SLC25A3: variants seen among roughly 807,000 people sequenced by gnomAD.
SLC25A3 encodes the protein phosphate transport protein.
SLC25A3 carries 14 observed loss-of-function variants against 37.1 expected under a neutral mutation model. The observed-to-expected ratio is 0.38, with a 90% CI of 0.25 to 0.59. The LOEUF (loss-of-function observed/expected upper bound fraction) is 0.59, where lower values mean the gene tolerates loss of function less well. Among genes scored for constraint, SLC25A3 ranks in the 20% least tolerant of loss-of-function variants. SLC25A3 has a pLI of 0.67. For synonymous variants in SLC25A3, 161 were observed against 168.7 expected, an observed-to-expected ratio of 0.95 and a Z score of 0.36; for missense variants, 385 against 458.1, an observed-to-expected ratio of 0.84 and a Z score of 1.46.
rs750905518 is a variant in SLC25A3 at position 98,593,998 on chromosome 12, A to G, written c.20A>G (p.His7Arg). MFSSVAHLARANPFNTP... is the reference protein window; with the variant it reads MFSSVARLARANPFNTP... ...AGAAAGATGTTCTCGTCCGTGGCGC[A>G]CCTGGCGCGGGCGAACCCCTTCAAC... Residue 7 changes from histidine to arginine, a missense_variant, in exon 2 of 8, where the codon CAC becomes CGC. Physicochemically the swap from His to Arg is conservative, Grantham distance 29. Transcript: ENST00000552981. 9 of 1,613,624 alleles carry G rather than the reference A, an allele frequency of 5.6e-6. No homozygotes were observed. Among genetic ancestry groups the G allele is most frequent in the Middle Eastern group, 1.6e-4 (1 of 6,084 alleles).
At position 98,598,759 on chromosome 12, in the gene SLC25A3, ATTTTTTTTTGTT is replaced by A. The variant is rs568877839; in HGVS notation, c.641+71_641+82del. On this transcript the variant is annotated intron_variant, in intron 5 of 7. Coordinates refer to ENST00000552981, the MANE Select transcript of SLC25A3 (RefSeq NM_002635.4). ...AAAGTACTTATTTTAAGTGAACTTC[ATTTTTTTTTGTT>A]TTTTTTTTTGTTTTGTTTTTTTGAG... The A allele has an allele frequency of 1.0e-3, 1,449 of 1,420,718 alleles. 16 individuals are homozygous for A. The East Asian group carries it at 0.02, about 20-fold the overall frequency. 88.0% of individuals were successfully genotyped at this position (1,420,718 alleles called of 1,614,324 possible).
In SLC25A3 at chr12:98,604,263, A is replaced by AAAAATATATAT. The variant is rs1302964992; in HGVS notation, c.*2736_*2737insAAATATATATA. 1.5e-5 allele frequency: 2 copies of AAAAATATATAT among 134,592 alleles called. No individual in the cohort carries two copies. Among genetic ancestry groups the AAAAATATATAT allele is most frequent in the African/African-American group, 5.7e-5 (2 of 34,844 alleles). 8.3% of individuals were successfully genotyped at this position (134,592 alleles called of 1,614,324 possible). A position where few individuals can be genotyped will look rare whatever the true frequency, so the allele number is the denominator to read the frequency against. ...GCGAAACTCTGTCTCAAAAAAAAAA[A>AAAAATATATAT]ATATATATATATATATATATATATG... On this transcript the variant is annotated 3_prime_UTR_variant, in exon 8 of 8. Coordinates refer to ENST00000552981, the MANE Select transcript of SLC25A3 (RefSeq NM_002635.4).
intron 2 of SLC25A3, 117 bp downstream of exon 2, chr12:98,594,252 G>A: frequency 1.1e-6 from 1 of 887,826 alleles, no homozygotes; most frequent in Non-Finnish European, 1.8e-6. Flanking sequence ...CTGCACCGTA[G>A]GACGGCGCCC....
intron 5 of SLC25A3, among the ~76,000 whole-genome samples, chr12:98,599,436 G>C (rs537205942): frequency 6.6e-6 from 1 of 151,510 alleles, no homozygotes; most frequent in South Asian, 2.1e-4. Flanking sequence ...CCTGTATGTA[G>C]AACATAAACT....
chr12:98,606,094 A>T lies in SLC25A3; in HGVS notation c.*4566A>T, dbSNP rs2097601063. The T allele has an allele frequency of 6.6e-6, 1 of 152,236 alleles. No individual in the cohort carries two copies. The highest frequency in any genetic ancestry group is 1.5e-5 in the Non-Finnish European group (1 of 68,046). 9.4% of individuals were successfully genotyped at this position (152,236 alleles called of 1,614,324 possible). A position where few individuals can be genotyped will look rare whatever the true frequency, so the allele number is the denominator to read the frequency against. ...ACCCCTGCACTCCGGCCTGGGCGAC[A>T]GAGTGATAACCTGTCTAAAAAAATA... On this transcript the variant is annotated 3_prime_UTR_variant, in exon 8 of 8. Transcript: ENST00000552981.
rs375070289 is a variant in SLC25A3 at position 98,593,954 on chromosome 12, C to A, written c.-4-21C>A. ...ACCGGCGCCTTGCCTGTCCTCTAAC[C>A]GTCGCTCCCTCCTCCCCTAGAAAGA... On this transcript the variant is annotated intron_variant, in intron 1 of 7. Transcript: ENST00000552981. The A allele has an allele frequency of 1.9e-6, 3 of 1,613,704 alleles. No individual in the cohort carries two copies. The African/African-American group carries it at 4.0e-5, about 22-fold the overall frequency.
intron 5 of SLC25A3, chr12:98,599,496 T>C: frequency 2.4e-6 from 1 of 415,448 alleles, no homozygotes; most frequent in South Asian, 1.9e-5. Flanking sequence ...GACTGAGTTT[T>C]TTTTTTTTCC....
chr12:98,595,650 A>T (rs766046697), intron 2 of SLC25A3, 77 bp from the exon 3 acceptor site: 65 of 1,613,544 alleles, frequency 4.0e-5, no homozygotes, highest in Non-Finnish European at 5.5e-5. Flanking sequence ...TGGAAACCTA[A>T]CTGTCCAGGA....
rs1256428924 is a variant in SLC25A3 at position 98,605,551 on chromosome 12, C to A, written c.*4023C>A. The A allele has an allele frequency of 6.6e-6, 1 of 152,190 alleles. No individual in the cohort carries two copies. The highest frequency in any genetic ancestry group is 1.9e-4 in the East Asian group (1 of 5,202). The allele number at this position is 152,190 out of a possible 1,614,324, so 9.4% of individuals were successfully genotyped here. On this transcript the variant is annotated 3_prime_UTR_variant, in exon 8 of 8. Transcript: ENST00000552981. ...TTGTATATCAGGCCAGGTGCAAAAG[C>A]TCACTCCTGAAATCCAAGCACTTTG...
chr12:98,597,027 CAAAA>C (rs775875946), intron 3 of SLC25A3, among the ~76,000 whole-genome samples: 3 of 151,990 alleles, frequency 2.0e-5, no homozygotes, highest in African/African-American at 2.4e-5. Context: ...AACAAACAAA[CAAAA>C]AACACAAAAA....
intron 3 of SLC25A3, among the ~76,000 whole-genome samples, chr12:98,597,361 G>C (rs2153284878): frequency 6.6e-6 from 1 of 151,814 alleles, no homozygotes; most frequent in Non-Finnish European, 1.5e-5. Flanking sequence ...AGTTGACCTT[G>C]GATAACTGAA....
chr12:98,598,484 C>T (rs751840559), intron 4 of SLC25A3, 38 bp from the exon 5 acceptor site: 6 of 1,611,476 alleles, frequency 3.7e-6, no homozygotes, highest in Non-Finnish European at 5.1e-6. Context: ...ACCAACACAA[C>T]AGCAATTCAC....
rs1429083295 is a variant in SLC25A3 at position 98,601,381 on chromosome 12, A to G, written c.939A>G (p.Gly313=). ...KRLGFKGVWK[G]LFARIIMIGT... ...TGTTTGAACCAGGTGTATGGAAGGG[A>G]CTGTTTGCCCGTATCATCATGATTG... The change falls in exon 8 of 8, where the codon GGA becomes GGG. Residue 313 remains glycine (G), a synonymous_variant. Coordinates refer to ENST00000552981, the MANE Select transcript of SLC25A3 (RefSeq NM_002635.4). The G allele has an allele frequency of 6.2e-7, 1 of 1,613,926 alleles. No individual in the cohort carries two copies. The highest frequency in any genetic ancestry group is 1.7e-5 in the Admixed American group (1 of 59,998).
Position 98,601,574 on chromosome 12 carries a change from T to C in SLC25A3, c.*46T>C, listed in dbSNP as rs770133139. ...ACTGAATCTGCTTGTTGATCAGTGT[T>C]GAAGAAAGTGCAAAAGGAACTTTTA... On this transcript the variant is annotated 3_prime_UTR_variant, in exon 8 of 8. Coordinates refer to ENST00000552981, the MANE Select transcript of SLC25A3 (RefSeq NM_002635.4). 1.1e-5 allele frequency: 14 copies of C among 1,279,828 alleles called. No homozygotes were observed. The Admixed American group carries it at 2.2e-4, about 20-fold the overall frequency. 79.3% of individuals were successfully genotyped at this position (1,279,828 alleles called of 1,614,324 possible).
intron 2 of SLC25A3, 64 bp downstream of exon 2, chr12:98,594,199 C>A (rs2097591029): frequency 1.5e-6 from 2 of 1,367,696 alleles, no homozygotes; most frequent in South Asian, 1.2e-5. Context: ...GCCTTTGAGG[C>A]CTGGACCCGG....
intron 6 of SLC25A3, among the ~76,000 whole-genome samples, chr12:98,600,791 A>G (rs1337159016): frequency 6.6e-6 from 1 of 152,198 alleles, no homozygotes; most frequent in Non-Finnish European, 1.5e-5. Flanking sequence ...TGCCTGGCCT[A>G]TAAAGCAGTT....
At chr12:98,594,444 T>A in intron 2 of SLC25A3, 1 of 679,518 alleles carries the variant, frequency 1.5e-6, no homozygotes, top group Non-Finnish European at 2.7e-6. Context: ...GCAAACTAAG[T>A]ACTGGGTAAA....
rs773608994 is a variant in SLC25A3, at chr12:98,598,054, A to T, written c.459+19A>T. ...TGGAGAGGTATGTAATTAACTTTAA[A>T]ATTGAATGTTCCGAGTGTTTAAGAC... On this transcript the variant is annotated intron_variant, in intron 4 of 7. Coordinates refer to ENST00000552981, the MANE Select transcript of SLC25A3 (RefSeq NM_002635.4). 1.9e-6 allele frequency: 3 copies of T among 1,610,474 alleles called. No individual in the cohort carries two copies. Among genetic ancestry groups the T allele is most frequent in the Non-Finnish European group, 2.5e-6 (3 of 1,177,340 alleles).
chr12:98,601,392 G>T lies in SLC25A3; in HGVS notation c.950G>T (p.Arg317Leu). The change falls in exon 8 of 8, where the codon CGT becomes CTT. Residue 317 changes from arginine (R) to leucine (L), a missense_variant. Physicochemically the swap from Arg to Leu is moderately radical, Grantham distance 102. Around this residue, in one of 2 missense-constraint regions of SLC25A3, gnomAD observed 276 missense variants for 367.6 expected, o/e 0.75. Coordinates refer to ENST00000552981, the MANE Select transcript of SLC25A3 (RefSeq NM_002635.4). ...GGTGTATGGAAGGGACTGTTTGCCC[G>T]TATCATCATGATTGGTACCCTGACT... ...FKGVWKGLFA[R>L]IIMIGTLTAL... 1 of 1,613,780 alleles carries T rather than the reference G, an allele frequency of 6.2e-7. No individual in the cohort carries two copies. Among genetic ancestry groups the T allele is most frequent in the Non-Finnish European group, 8.5e-7 (1 of 1,179,836 alleles).
Sources: gnomAD v4.1 joint callset for allele counts (sites outside exome capture counted in the v4.1 genomes callset) on GRCh38, gnomAD v4.1.1 for gene constraint, gnomAD v4.1.1 regional missense constraint, MANE v1.5 for transcripts, NCBI Gene and HGNC (gene_info 2026-07-23, HGNC 2026-07-21) for gene names.